Variants in GUCY1A2 observed in about 807,000 individuals in gnomAD.
The protein encoded by GUCY1A2 is guanylate cyclase 1 soluble subunit alpha 2.
GUCY1A2 carries 27 observed loss-of-function variants against 63.5 expected under a neutral mutation model. That is an observed-to-expected ratio of 0.43 (90% CI 0.31 to 0.59). The LOEUF (loss-of-function observed/expected upper bound fraction) is 0.59, where lower values mean the gene tolerates loss of function less well. Ranked by LOEUF, GUCY1A2 falls within the 20% of genes least tolerant of loss-of-function variation. The probability of loss-of-function intolerance (pLI) is 0.11; values close to 1 mark genes in which losing one functional copy is unlikely to be tolerated. For missense variants in GUCY1A2, 768 were observed against 913.3 expected (o/e 0.84, Z 2.05); for synonymous variants, 364 against 343.5 (o/e 1.06, Z -0.66).
intron 4 of GUCY1A2, among the ~76,000 whole-genome samples, chr11:106,934,513 C>G (rs1017615858): frequency 1.3e-5 from 2 of 152,056 alleles, no homozygotes; most frequent in Admixed American, 6.6e-5. Flanking sequence ...CAATCATCGC[C>G]TCAGAAAAAG....
intron 1 of GUCY1A2, among the ~76,000 whole-genome samples, chr11:106,988,228 A>G (rs1383389132): frequency 6.6e-6 from 1 of 152,194 alleles, no homozygotes; most frequent in African/African-American, 2.4e-5. Flanking sequence ...TCCATGACCA[A>G]TCTAAATCCA....
intron 4 of GUCY1A2, among the ~76,000 whole-genome samples, chr11:106,926,456 A>AG (rs1346290478): frequency 6.6e-6 from 1 of 151,902 alleles, no homozygotes; most frequent in East Asian, 1.9e-4. Context: ...AAAAAAAAAA[A>AG]AAAAGAAATT....
intron 5 of GUCY1A2, among the ~76,000 whole-genome samples, chr11:106,798,419 CCA>C (rs1864808184): frequency 6.6e-6 from 1 of 152,138 alleles, no homozygotes; most frequent in South Asian, 2.1e-4. Flanking sequence ...TTTTATGAGG[CCA>C]GCATCATCCT....
At chr11:106,783,091 C>T (rs765344904) in intron 5 of GUCY1A2, among the ~76,000 whole-genome samples, 58 of 152,122 alleles carry the variant, frequency 3.8e-4, no homozygotes, top group Non-Finnish European at 7.2e-4. Context: ...CCTGAGGTTG[C>T]GGTTCTTAAA....
intron 4 of GUCY1A2, among the ~76,000 whole-genome samples, chr11:106,875,363 A>G (rs558147845): frequency 9.8e-5 from 15 of 152,296 alleles, no homozygotes; most frequent in Admixed American, 7.9e-4. Flanking sequence ...GCAAGAGTGG[A>G]GTCTTGACAG....
chr11:106,719,169 C>T (rs979963891), intron 6 of GUCY1A2, among the ~76,000 whole-genome samples: 5 of 152,102 alleles, frequency 3.3e-5, no homozygotes, highest in Non-Finnish European at 5.9e-5. Flanking sequence ...AACTTCAAAG[C>T]TCTTAGAAGT....
chr11:106,740,394 T>C (rs116903816), intron 6 of GUCY1A2, among the ~76,000 whole-genome samples: 10 of 152,266 alleles, frequency 6.6e-5, no homozygotes, highest in Non-Finnish European at 1.5e-4. Context: ...AAATATTTTC[T>C]GGATAGATTT....
intron 5 of GUCY1A2, among the ~76,000 whole-genome samples, chr11:106,806,327 G>A (rs1488575429): frequency 1.3e-5 from 2 of 152,142 alleles, no homozygotes; most frequent in African/African-American, 4.8e-5. Flanking sequence ...AAGTTAAAGT[G>A]CTTAAAGGTG....
intron 1 of GUCY1A2, among the ~76,000 whole-genome samples, chr11:107,012,091 T>C (rs1467258279): frequency 6.6e-6 from 1 of 152,186 alleles, no homozygotes; most frequent in Non-Finnish European, 1.5e-5. Flanking sequence ...AAAGTAGTTT[T>C]CATATTGCCA....
chr11:106,751,086 T>C (rs1863874846), intron 6 of GUCY1A2, among the ~76,000 whole-genome samples: 1 of 152,134 alleles, frequency 6.6e-6, no homozygotes, highest in Non-Finnish European at 1.5e-5. Context: ...TAATGGGATA[T>C]TGTCACTGTG....
At chr11:106,737,897 T>G (rs1016972391) in intron 6 of GUCY1A2, among the ~76,000 whole-genome samples, 2 of 152,164 alleles carry the variant, frequency 1.3e-5, no homozygotes, top group Non-Finnish European at 2.9e-5. Context: ...TTATAATCCT[T>G]TGGGTATATA....
At position 106,810,032 on chromosome 11, in the gene GUCY1A2, G is replaced by A; in HGVS notation, c.1653C>T (p.Thr551=). The A allele has an allele frequency of 1.1e-5, 17 of 1,610,796 alleles. No individual in the cohort carries two copies. Among genetic ancestry groups the A allele is most frequent in the Non-Finnish European group, 1.4e-5 (16 of 1,177,132 alleles). The stretch of plus-strand genomic sequence containing the variant: ...AAAATCCACACTGGTGGTCAAATCT[G>A]GTGTACAGTTCATTCAGCATGCTGA... ...QVISMLNELY[T]RFDHQCGFLD... The change falls in exon 5 of 8, where the codon ACC becomes ACT. Residue 551 remains threonine, a synonymous_variant. Coordinates refer to ENST00000526355, the MANE Select transcript of GUCY1A2 (RefSeq NM_000855.3).
chr11:106,907,341 A>C (rs891290175), intron 4 of GUCY1A2, among the ~76,000 whole-genome samples: 5 of 151,970 alleles, frequency 3.3e-5, no homozygotes, highest in African/African-American at 1.2e-4. Flanking sequence ...GTCTTTTTTT[A>C]GGGTGACAAT....
intron 4 of GUCY1A2, among the ~76,000 whole-genome samples, chr11:106,915,702 G>A (rs7102373): frequency 0.033 from 4,804 of 144,842 alleles, 446 homozygotes; most frequent in African/African-American, 0.11. Flanking sequence ...GTGCTTCTTC[G>A]TTCAACCCAA....
chr11:106,914,866 T>C (rs1860348130), intron 4 of GUCY1A2, among the ~76,000 whole-genome samples: 2 of 152,172 alleles, frequency 1.3e-5, no homozygotes, highest in South Asian at 2.1e-4. Flanking sequence ...TGTCACTCCA[T>C]CTTCCAACAA....
At chr11:106,861,360 T>C (rs1381826924) in intron 4 of GUCY1A2, among the ~76,000 whole-genome samples, 1 of 152,064 alleles carries the variant, frequency 6.6e-6, no homozygotes, top group Non-Finnish European at 1.5e-5. Context: ...TACATGCACG[T>C]AGTCTGTTGT....
At chr11:106,793,843 G>A (rs1216661723) in intron 5 of GUCY1A2, among the ~76,000 whole-genome samples, 3 of 152,228 alleles carry the variant, frequency 2.0e-5, no homozygotes, top group Non-Finnish European at 4.4e-5. Flanking sequence ...TCAAAAGTCT[G>A]AGATAACAAA....
chr11:107,008,012 G>A (rs1861695231), intron 1 of GUCY1A2, among the ~76,000 whole-genome samples: 1 of 149,748 alleles, frequency 6.7e-6, no homozygotes, highest in South Asian at 2.1e-4. Flanking sequence ...GCCTGGTGCG[G>A]TGGCTCACGC....
intron 6 of GUCY1A2, among the ~76,000 whole-genome samples, chr11:106,714,815 G>GA (rs1192286648): frequency 7.6e-4 from 115 of 152,128 alleles, no homozygotes; most frequent in Middle Eastern, 3.4e-3. Context: ...CCCCAGCCCT[G>GA]GAAAAGAATT....
Sources: gnomAD v4.1 joint callset for allele counts (sites outside exome capture counted in the v4.1 genomes callset) on GRCh38, gnomAD v4.1.1 for gene constraint, MANE v1.5 for transcripts, NCBI Gene and HGNC (gene_info 2026-07-23, HGNC 2026-07-21) for gene names.